The following BRD10 variants were observed in gnomAD, a reference collection of about 807,000 sequenced individuals.
BRD10 encodes uncharacterized bromodomain-containing protein 10.
chr9:5,953,392 A>C, the BRD10 span, among the ~76,000 whole-genome samples: 14 of 152,158 alleles, frequency 9.2e-5, no homozygotes, highest in African/African-American at 3.1e-4. Flanking sequence ...TTCTCTGCTT[A>C]GTATTAGCTA....
the BRD10 span, among the ~76,000 whole-genome samples, chr9:5,947,413 G>C: frequency 5.3e-5 from 8 of 152,112 alleles, no homozygotes; most frequent in African/African-American, 1.9e-4. Context: ...GAGCTAATGA[G>C]TATGAAAATA....
the BRD10 span, among the ~76,000 whole-genome samples, chr9:5,970,843 G>A: frequency 6.6e-6 from 1 of 152,062 alleles, no homozygotes; most frequent in Non-Finnish European, 1.5e-5. Flanking sequence ...CTGAGGTCAG[G>A]AATTTTGAGA....
chr9:5,982,342 A>T, the BRD10 span, among the ~76,000 whole-genome samples: 6 of 152,132 alleles, frequency 3.9e-5, no homozygotes, highest in African/African-American at 1.4e-4. Context: ...TGATCCCTAC[A>T]ATTGCCCAGT....
At chr9:5,990,938 T>C in the BRD10 span, among the ~76,000 whole-genome samples, 1 of 152,324 alleles carries the variant, frequency 6.6e-6, no homozygotes, top group South Asian at 2.1e-4. Context: ...ATATTGCCTG[T>C]TATTTTTTAA....
the BRD10 span, chr9:5,924,978 T>G: frequency 4.8e-6 from 3 of 621,882 alleles, no homozygotes; most frequent in Non-Finnish European, 7.3e-6. Flanking sequence ...TAATCTTAAG[T>G]GTGTCTAAGA....
chr9:5,889,394 G>A, the BRD10 span, among the ~76,000 whole-genome samples: 7 of 152,136 alleles, frequency 4.6e-5, no homozygotes, highest in African/African-American at 4.8e-5. Flanking sequence ...AGAGTTCATC[G>A]AATCTTGAAG....
At chr9:5,909,026 C>A in the BRD10 span, 2 of 320,574 alleles carry the variant, frequency 6.2e-6, no homozygotes, top group Non-Finnish European at 1.2e-5. Context: ...CTGGGGCCAT[C>A]CAATTTCTCT....
the BRD10 span, among the ~76,000 whole-genome samples, chr9:5,948,437 C>G: frequency 6.6e-6 from 1 of 151,870 alleles, no homozygotes; most frequent in Non-Finnish European, 1.5e-5. Context: ...ATTAAAAGGT[C>G]CTCTCTTCAA....
chr9:5,980,250 A>C, the BRD10 span, among the ~76,000 whole-genome samples: 1 of 152,086 alleles, frequency 6.6e-6, no homozygotes, highest in African/African-American at 2.4e-5. Context: ...CTGTCTCCTA[A>C]ATCAACAGGG....
At chr9:5,960,896 T>C in the BRD10 span, among the ~76,000 whole-genome samples, 12 of 152,170 alleles carry the variant, frequency 7.9e-5, no homozygotes, top group Admixed American at 6.5e-4. Context: ...CAGGGACCTA[T>C]TTATTGCCCA....
At chr9:5,884,823 C>T in the BRD10 span, among the ~76,000 whole-genome samples, 15 of 152,328 alleles carry the variant, frequency 9.8e-5, no homozygotes, top group East Asian at 9.6e-4. Flanking sequence ...GGATTTACCA[C>T]GTTTCTGATT....
chr9:5,916,508 T>C, the BRD10 span, among the ~76,000 whole-genome samples: 1 of 142,832 alleles, frequency 7.0e-6, no homozygotes, highest in Non-Finnish European at 1.5e-5. Flanking sequence ...TATGTATGTG[T>C]ATATATACAT....
the BRD10 span, among the ~76,000 whole-genome samples, chr9:6,001,399 GCC>G: frequency 6.6e-6 from 1 of 152,008 alleles, no homozygotes; most frequent in Non-Finnish European, 1.5e-5. Flanking sequence ...TTTATGATTG[GCC>G]CCAGACTATC....
At chr9:5,977,491 A>G in the BRD10 span, among the ~76,000 whole-genome samples, 1 of 152,212 alleles carries the variant, frequency 6.6e-6, no homozygotes, top group Admixed American at 6.5e-5. Context: ...GTTAATATAT[A>G]TAATCAGCCA....
At chr9:5,968,597 G>A in the BRD10 span, 1 of 1,613,690 alleles carries the variant, frequency 6.2e-7, no homozygotes, top group Non-Finnish European at 8.5e-7. Flanking sequence ...ACAGCAAGCT[G>A]GATCAAAATT....
chr9:5,889,034 G>A, the BRD10 span, among the ~76,000 whole-genome samples: 2 of 152,142 alleles, frequency 1.3e-5, no homozygotes, highest in African/African-American at 4.8e-5. Context: ...AAAGGTCATG[G>A]TCACTGTTTG....
the BRD10 span, among the ~76,000 whole-genome samples, chr9:5,958,291 T>C: frequency 6.6e-6 from 1 of 152,182 alleles, no homozygotes; most frequent in Non-Finnish European, 1.5e-5. Context: ...AATAAAACTC[T>C]AGTTTTCTAG....
the BRD10 span, among the ~76,000 whole-genome samples, chr9:5,972,031 T>C: frequency 1.3e-5 from 2 of 152,220 alleles, no homozygotes. Context: ...GAGTTTAATG[T>C]GGTTTCATGC....
At chr9:5,883,022 T>G in the BRD10 span, among the ~76,000 whole-genome samples, 1 of 151,490 alleles carries the variant, frequency 6.6e-6, no homozygotes, top group South Asian at 2.1e-4. Flanking sequence ...AGTGGGGGGC[T>G]GGGGGAGGGA....
Sources: allele counts gnomAD v4.1 joint callset (sites outside exome capture counted in the v4.1 genomes callset), GRCh38; gene constraint gnomAD v4.1.1; transcripts MANE v1.5; gene names NCBI Gene and HGNC (gene_info 2026-07-23, HGNC 2026-07-21).